Variants in TUSC3 observed in about 807,000 individuals in gnomAD.
TUSC3 encodes dolichyl-diphosphooligosaccharide--protein glycosyltransferase subunit TUSC3.
TUSC3 carries 45 observed loss-of-function variants against 44.8 expected under a neutral mutation model. The ratio of observed to expected loss-of-function variants is 1.00; its 90% CI spans 0.79 to 1.29. The LOEUF (loss-of-function observed/expected upper bound fraction) is 1.29. Among genes scored for constraint, TUSC3 ranks in the 50% most tolerant of loss-of-function variants. The probability of loss-of-function intolerance (pLI) is 0.00; values close to 1 mark genes in which losing one functional copy is unlikely to be tolerated. For missense variants in TUSC3, 519 were observed against 437.9 expected (o/e 1.19, Z -1.65); for synonymous variants, 212 against 152.9 (o/e 1.39, Z -2.85).
At chr8:15,437,980 C>G (rs1260850639) in intron 1 of TUSC3, among the ~76,000 whole-genome samples, 1 of 152,188 alleles carries the variant, frequency 6.6e-6, no homozygotes, top group African/African-American at 2.4e-5. Flanking sequence ...ACTGTACAGA[C>G]ATTTGTTATA....
At chr8:15,512,633 C>G (rs1347820627) in intron 2 of TUSC3, among the ~76,000 whole-genome samples, 2 of 151,930 alleles carry the variant, frequency 1.3e-5, no homozygotes, top group East Asian at 3.9e-4. Context: ...ATTAGCTTGG[C>G]ATGGTGGTAC....
At chr8:15,716,539 G>A (rs28532668) in intron 6 of TUSC3, among the ~76,000 whole-genome samples, 7,114 of 152,116 alleles carry the variant, frequency 0.047, 502 homozygotes, top group African/African-American at 0.16. Context: ...ATAAGTATGT[G>A]TAAGTGCTCC....
At chr8:15,823,452 A>C in the TUSC3 span, among the ~76,000 whole-genome samples, 1 of 152,148 alleles carries the variant, frequency 6.6e-6, no homozygotes, top group African/African-American at 2.4e-5. Flanking sequence ...GTCAAGCAAC[A>C]TTTCTTTCTC....
At chr8:15,826,547 G>C in the TUSC3 span, among the ~76,000 whole-genome samples, 1 of 152,140 alleles carries the variant, frequency 6.6e-6, no homozygotes, top group Admixed American at 6.5e-5. Flanking sequence ...AAGAGTAAAT[G>C]GTTCCAGGCT....
intron 6 of TUSC3, among the ~76,000 whole-genome samples, chr8:15,718,030 G>GTA (rs1232606487): frequency 1.3e-5 from 2 of 152,040 alleles, no homozygotes; most frequent in East Asian, 3.9e-4. Context: ...GAATATCTAA[G>GTA]TACTAGATAT....
chr8:15,636,065 T>C (rs1806060185), intron 2 of TUSC3, among the ~76,000 whole-genome samples: 1 of 152,078 alleles, frequency 6.6e-6, no homozygotes, highest in Non-Finnish European at 1.5e-5. Flanking sequence ...TGTGGGAAGA[T>C]TTGTCAAAGT....
At chr8:15,616,057 G>C (rs1443921203) in intron 1 of TUSC3, among the ~76,000 whole-genome samples, 1 of 152,090 alleles carries the variant, frequency 6.6e-6, no homozygotes, top group Non-Finnish European at 1.5e-5. Flanking sequence ...GGCTGGTGTA[G>C]GAATAAGTTC....
intron 1 of TUSC3, among the ~76,000 whole-genome samples, chr8:15,584,323 C>G (rs888495960): frequency 2.6e-5 from 4 of 152,100 alleles, no homozygotes; most frequent in Non-Finnish European, 5.9e-5. Context: ...TCTTCCCCCG[C>G]TTTTTTGTAT....
chr8:15,567,030 A>G lies in TUSC3; in HGVS notation c.138+26462A>G, dbSNP rs542376787. The stretch of plus-strand genomic sequence containing the variant: ...TGTGCTCTTGGCTAAGATAATGGCA[A>G]ATTGGGAATGTGCAACAAATTCTAG... On this transcript the variant is annotated intron_variant, in intron 1 of 10. Coordinates refer to ENST00000503731, the MANE Select transcript of TUSC3 (RefSeq NM_006765.4). Among the ~76,000 whole-genome samples the G allele has an allele frequency of 7.2e-5, 11 of 152,250 alleles. 1 individual carries two copies. In the South Asian group the frequency reaches 2.1e-3, roughly 29 times the overall value.
chr8:15,542,926 C>A (rs1041320813), intron 1 of TUSC3, among the ~76,000 whole-genome samples: 2 of 152,140 alleles, frequency 1.3e-5, no homozygotes, highest in Non-Finnish European at 2.9e-5. Context: ...GGGATCATTT[C>A]TATAGTTTGT....
intron 2 of TUSC3, among the ~76,000 whole-genome samples, chr8:15,494,425 C>G (rs1026617952): frequency 6.0e-5 from 9 of 151,066 alleles, no homozygotes; most frequent in African/African-American, 1.7e-4. Context: ...TCAAGTGATT[C>G]TGCTGCCTCA....
intron 1 of TUSC3, among the ~76,000 whole-genome samples, chr8:15,475,743 C>G (rs1800566555): frequency 6.6e-6 from 1 of 152,090 alleles, no homozygotes; most frequent in East Asian, 1.9e-4. Flanking sequence ...TACACATTAA[C>G]ATAAATACAG....
In TUSC3 at chr8:15,448,108, C is replaced by CATATACATATATATATATATATATAT. The variant is rs55661131; in HGVS notation, n.91+30808_91+30809insCATATATATATATATATATATATATA. Among the ~76,000 whole-genome samples the CATATACATATATATATATATATATAT allele has an allele frequency of 1.1e-3, 105 of 96,366 alleles. 13 individuals carry two copies. Among genetic ancestry groups the CATATACATATATATATATATATATAT allele is most frequent in the African/African-American group, 4.4e-3 (84 of 19,294 alleles). The allele number at this position is 96,366 out of a possible 152,430, so 63.2% of individuals were successfully genotyped here. On this transcript the variant is annotated intron_variant and non_coding_transcript_variant, in intron 1 of 5. Coordinates refer to the TUSC3 transcript ENST00000503191. ...ATTCAACTGTATGGTAGTGTATATA[C>CATATACATATATATATATATATATAT]ATATATATATATTTATTTATTTATT...
At chr8:15,673,501 C>T (rs989467923) in intron 5 of TUSC3, among the ~76,000 whole-genome samples, 2 of 151,944 alleles carry the variant, frequency 1.3e-5, no homozygotes, top group South Asian at 2.1e-4. Context: ...ATATGTTATC[C>T]GATGTAATTA....
At chr8:15,659,372 A>G in intron 3 of TUSC3, 135 bp from the exon 4 acceptor site, 2 of 1,095,576 alleles carry the variant, frequency 1.8e-6, no homozygotes, top group Non-Finnish European at 2.6e-6. Flanking sequence ...ATAAAAACAG[A>G]AATTTACCTC....
At chr8:15,685,093 T>A (rs1213466651) in intron 6 of TUSC3, among the ~76,000 whole-genome samples, 1 of 152,204 alleles carries the variant, frequency 6.6e-6, no homozygotes, top group Admixed American at 6.5e-5. Flanking sequence ...CACATTTTGC[T>A]GGAGCTGCAC....
chr8:15,661,698 C>G (rs1560218), intron 4 of TUSC3, among the ~76,000 whole-genome samples: 32,673 of 151,704 alleles, frequency 0.22, 4,201 homozygotes, highest in Non-Finnish European at 0.3. Flanking sequence ...CTATACTATA[C>G]TACAGTCTTC....
At chr8:15,656,847 C>T (rs1807192275) in intron 3 of TUSC3, among the ~76,000 whole-genome samples, 2 of 152,248 alleles carry the variant, frequency 1.3e-5, no homozygotes, top group South Asian at 4.1e-4. Flanking sequence ...CATACCTCCT[C>T]AGCTCTTACA....
intron 3 of TUSC3, among the ~76,000 whole-genome samples, chr8:15,653,395 A>G (rs547608359): frequency 3.3e-4 from 50 of 152,148 alleles, no homozygotes; most frequent in Non-Finnish European, 5.4e-4. Flanking sequence ...CTTCTGTGAT[A>G]TTATTATCTT....
Sources: allele counts gnomAD v4.1 joint callset (sites outside exome capture counted in the v4.1 genomes callset), GRCh38; gene constraint gnomAD v4.1.1; transcripts MANE v1.5; gene names NCBI Gene and HGNC (gene_info 2026-07-23, HGNC 2026-07-21).